The following NMI variants were observed in gnomAD, a reference collection of about 807,000 sequenced individuals.
NMI encodes the protein N-myc-interactor.
Under a neutral mutation model 34.3 loss-of-function variants are expected in NMI, and 39 were observed. That is an observed-to-expected ratio of 1.14 (90% CI 0.88 to 1.49). The LOEUF is 1.49. Among genes scored for constraint, NMI ranks in the 40% most tolerant of loss-of-function variants. NMI has a pLI of 0.00. For missense variants in NMI, 339 were observed against 358.1 expected (o/e 0.95, Z 0.43); for synonymous variants, 113 against 120.3 (o/e 0.94, Z 0.40).
chr2:151,281,847 G>A, intron 3 of NMI, 101 bp downstream of exon 3: 1 of 688,552 alleles, frequency 1.5e-6, no homozygotes, highest in Non-Finnish European at 2.6e-6. Flanking sequence ...TGCCATGGAT[G>A]ATGATAAGGT....
chr2:151,281,974 A>G lies in NMI; in HGVS notation c.151T>C (p.Leu51=). ...TGGAATTCTTTGGTAGCCTCTTGTA[A>G]CTCCGTTTCAAGCTTTTGGATCTCC... ...KKEIQKLETE[L]QEATKEFQIK... is the part of the protein sequence containing the mutation. Residue 51 remains leucine (L), a synonymous_variant, in exon 3 of 8, where the codon TTA becomes CTA. Coordinates refer to ENST00000243346, the MANE Select transcript of NMI (RefSeq NM_004688.3). 6.4e-7 allele frequency: 1 copy of G among 1,554,692 alleles called. No individual in the cohort carries two copies. The highest frequency in any genetic ancestry group is 8.9e-7 in the Non-Finnish European group (1 of 1,129,282).
chr2:151,285,716 C>T (rs1004011417), intron 1 of NMI, among the ~76,000 whole-genome samples: 1 of 152,074 alleles, frequency 6.6e-6, no homozygotes, highest in African/African-American at 2.4e-5. Flanking sequence ...AATGAGCACA[C>T]TCAGCACCCA....
intron 1 of NMI, among the ~76,000 whole-genome samples, chr2:151,288,008 G>A (rs1426347775): frequency 1.3e-5 from 2 of 152,078 alleles, no homozygotes; most frequent in African/African-American, 4.8e-5. Flanking sequence ...AGCATAAATG[G>A]TCTACTATCT....
intron 6 of NMI, among the ~76,000 whole-genome samples, chr2:151,273,071 T>C (rs930849676): frequency 2.6e-5 from 4 of 151,444 alleles, no homozygotes; most frequent in Non-Finnish European, 5.9e-5. Flanking sequence ...CATTTAAAAA[T>C]TGTTAAAATG....
intron 1 of NMI, among the ~76,000 whole-genome samples, chr2:151,288,543 A>G (rs1683549938): frequency 6.6e-6 from 1 of 151,862 alleles, no homozygotes; most frequent in Non-Finnish European, 1.5e-5. Flanking sequence ...CAGAATCCTA[A>G]GATAGTAAAT....
intron 1 of NMI, among the ~76,000 whole-genome samples, chr2:151,285,713 ACACTCAGCACC>A (rs1452382434): frequency 6.6e-6 from 1 of 152,168 alleles, no homozygotes; most frequent in Admixed American, 6.6e-5. Context: ...AGCAATGAGC[ACACTCAGCACC>A]CAGACTTTGG....
At chr2:151,274,344 CAAAAAAAAAAAAAAAA>C (rs773276443) in intron 6 of NMI, among the ~76,000 whole-genome samples, 3 of 54,672 alleles carry the variant, frequency 5.5e-5, no homozygotes, top group African/African-American at 2.1e-4. Flanking sequence ...CTCTGTCTCA[CAAAAAAAAAAAAAAAA>C]AAAAAAAAAA....
At chr2:151,276,448 TTTCTC>T (rs1229747742) in intron 4 of NMI, among the ~76,000 whole-genome samples, 4 of 152,304 alleles carry the variant, frequency 2.6e-5, no homozygotes, top group African/African-American at 7.2e-5. Context: ...AGATGAATCT[TTTCTC>T]TTATCTCTTA....
chr2:151,281,548 C>T (rs1683404279), intron 3 of NMI, among the ~76,000 whole-genome samples: 1 of 152,198 alleles, frequency 6.6e-6, no homozygotes, highest in African/African-American at 2.4e-5. Context: ...CAGAAACCCC[C>T]TTGGGTTCCC....
chr2:151,270,597 A>G lies in NMI; in HGVS notation c.*96T>C. The G allele has an allele frequency of 1.0e-6, 1 of 990,794 alleles. No individual in the cohort carries two copies. The highest frequency in any genetic ancestry group is 1.5e-6 in the Non-Finnish European group (1 of 673,038). 61.4% of individuals were successfully genotyped at this position (990,794 alleles called of 1,614,324 possible). A position where few individuals can be genotyped will look rare whatever the true frequency, so the allele number is the denominator to read the frequency against. On this transcript the variant is annotated 3_prime_UTR_variant, in exon 8 of 8. Coordinates refer to ENST00000243346, the MANE Select transcript of NMI (RefSeq NM_004688.3). ...TAAACATAAATGGATGGTAAAAATTAAAGTTTTCATTTTTTAAGGAAAAGC... is the reference window on the plus strand; with the variant it reads ...TAAACATAAATGGATGGTAAAAATTGAAGTTTTCATTTTTTAAGGAAAAGC...
chr2:151,275,681 A>T lies in NMI; in HGVS notation c.448-11T>A, dbSNP rs1250240355. ...AACTTCTACATAAACCTGGAAAATGATTTGATGTTCAGAAATATGGATGAG... is the reference window on the plus strand; with the variant it reads ...AACTTCTACATAAACCTGGAAAATGTTTTGATGTTCAGAAATATGGATGAG... On this transcript the variant is annotated splice_polypyrimidine_tract_variant and intron_variant, in intron 5 of 7. Coordinates refer to ENST00000243346, the MANE Select transcript of NMI (RefSeq NM_004688.3). 6.2e-7 allele frequency: 1 copy of T among 1,613,574 alleles called. No individual in the cohort carries two copies. The highest frequency in any genetic ancestry group is 1.7e-5 in the Admixed American group (1 of 60,010).
At position 151,278,908 on chromosome 2, in the gene NMI, G is replaced by A. The variant is rs1186773661; in HGVS notation, c.260C>T (p.Ser87Phe). The A allele has an allele frequency of 6.2e-7, 1 of 1,612,706 alleles. No individual in the cohort carries two copies. The highest frequency in any genetic ancestry group is 1.3e-5 in the African/African-American group (1 of 75,020). The part of the protein sequence containing the change: ...PENDSQLSNI[S>F]CSFQVSSKVP... Reference sequence around the variant, plus strand: ...TTTCGAGCTCACTTGAAACGAACAGGAGATATTTGACAACTGGCTGTCATT... The same window carrying A: ...TTTCGAGCTCACTTGAAACGAACAGAAGATATTTGACAACTGGCTGTCATT... Residue 87 changes from serine (S) to phenylalanine (F), a missense_variant, in exon 4 of 8, where the codon TCC becomes TTC. Physicochemically the swap from Ser to Phe is radical, Grantham distance 155. Coordinates refer to ENST00000243346, the MANE Select transcript of NMI (RefSeq NM_004688.3).
intron 6 of NMI, among the ~76,000 whole-genome samples, chr2:151,273,030 T>G (rs114657430): frequency 6.6e-6 from 1 of 152,034 alleles, no homozygotes; most frequent in African/African-American, 2.4e-5. Flanking sequence ...TTGTACAACA[T>G]TGTGAATGTA....
chr2:151,289,015 G>T (rs1051616377), intron 1 of NMI: 1 of 152,298 alleles, frequency 6.6e-6, no homozygotes, highest in Non-Finnish European at 1.5e-5. Context: ...AGGCCGAGGC[G>T]TGCGGATCAC....
At chr2:151,286,533 C>T (rs951350853) in intron 1 of NMI, among the ~76,000 whole-genome samples, 2 of 152,116 alleles carry the variant, frequency 1.3e-5, no homozygotes, top group Admixed American at 1.3e-4. Context: ...CCCTCCTCCT[C>T]CTCTGTCTCT....
intron 3 of NMI, among the ~76,000 whole-genome samples, chr2:151,280,916 C>G (rs530828911): frequency 1.6e-3 from 242 of 151,846 alleles, no homozygotes; most frequent in Non-Finnish European, 2.9e-3. Flanking sequence ...GATCTCAGCT[C>G]ATCGCGACCT....
At chr2:151,280,436 C>G (rs1040852167) in intron 3 of NMI, among the ~76,000 whole-genome samples, 1 of 152,166 alleles carries the variant, frequency 6.6e-6, no homozygotes, top group African/African-American at 2.4e-5. Flanking sequence ...TCCAGTGGAA[C>G]TTCTGATTAC....
At position 151,275,665 on chromosome 2, in the gene NMI, A is replaced by G. The variant is rs139468951; in HGVS notation, c.453T>C (p.Tyr151=). The G allele has an allele frequency of 3.1e-6, 5 of 1,613,958 alleles. No individual in the cohort carries two copies. The highest frequency in any genetic ancestry group is 4.2e-6 in the Non-Finnish European group (5 of 1,179,792). ...TGATTTTCATTTTAGAAACTTCTAC[A>G]TAAACCTGGAAAATGATTTGATGTT... ...PLNSGVRFQV[Y]VEVSKMKINV... Residue 151 remains tyrosine (Y), a synonymous_variant, in exon 6 of 8, where the codon TAT becomes TAC. Transcript: ENST00000243346.
At chr2:151,278,580 T>C in intron 4 of NMI, 2 of 432,454 alleles carry the variant, frequency 4.6e-6, no homozygotes, top group South Asian at 2.3e-5. Context: ...GAGGCTGGTA[T>C]TGGACATCAT....
Sources: gnomAD v4.1 joint callset for allele counts (sites outside exome capture counted in the v4.1 genomes callset) on GRCh38, gnomAD v4.1.1 for gene constraint, MANE v1.5 for transcripts, NCBI Gene and HGNC (gene_info 2026-07-23, HGNC 2026-07-21) for gene names.